Variants in SERINC5 observed in about 807,000 individuals in gnomAD.
SERINC5 encodes the protein serine incorporator 5.
Under a neutral mutation model 63.1 loss-of-function variants are expected in SERINC5, and 41 were observed. The observed-to-expected ratio is 0.65, with a 90% CI of 0.51 to 0.84. SERINC5 has a LOEUF of 0.84. Ranked by LOEUF, SERINC5 falls within the 40% of genes least tolerant of loss-of-function variation. SERINC5 has a pLI of 0.00. For missense variants in SERINC5, 523 were observed against 573.0 expected (o/e 0.91, Z 0.89); for synonymous variants, 222 against 215.2 (o/e 1.03, Z -0.28).
At chr5:80,116,897 C>T (rs938767585) in intron 11 of SERINC5, among the ~76,000 whole-genome samples, 15 of 151,606 alleles carry the variant, frequency 9.9e-5, no homozygotes, top group East Asian at 1.9e-4. Flanking sequence ...GACACAATCT[C>T]GGCTCACTGC....
At chr5:80,160,444 C>A (rs971720334) in intron 7 of SERINC5, among the ~76,000 whole-genome samples, 1 of 152,196 alleles carries the variant, frequency 6.6e-6, no homozygotes, top group Non-Finnish European at 1.5e-5. Context: ...AAGTAACACT[C>A]TAGAAACCAC....
chr5:80,172,751 A>T (rs1297202284), intron 5 of SERINC5, among the ~76,000 whole-genome samples: 9 of 152,272 alleles, frequency 5.9e-5, no homozygotes, highest in Non-Finnish European at 8.8e-5. Context: ...ATGGGGAGAC[A>T]GCATGAATTA....
chr5:80,195,967 C>G (rs1749471614), intron 2 of SERINC5, among the ~76,000 whole-genome samples: 1 of 152,140 alleles, frequency 6.6e-6, no homozygotes, highest in African/African-American at 2.4e-5. Context: ...CTGAGGGCAG[C>G]TGGGAACATC....
chr5:80,239,614 G>C (rs914916352), intron 1 of SERINC5, among the ~76,000 whole-genome samples: 5 of 151,996 alleles, frequency 3.3e-5, no homozygotes, highest in African/African-American at 1.2e-4. Flanking sequence ...ATCAGAAACA[G>C]GAATATCAAC....
intron 12 of SERINC5, among the ~76,000 whole-genome samples, chr5:80,112,469 A>C (rs1438779550): frequency 6.6e-6 from 1 of 152,062 alleles, no homozygotes; most frequent in Non-Finnish European, 1.5e-5. Context: ...GAAAATAGTA[A>C]TCAATAAATA....
At position 80,255,945 on chromosome 5, in the gene SERINC5, G is replaced by T; in HGVS notation, c.-23C>A. The T allele has an allele frequency of 6.5e-7, 1 of 1,532,374 alleles. No homozygotes were observed. The allele number at this position is 1,532,374 out of a possible 1,614,324, so 94.9% of individuals were successfully genotyped here. On this transcript the variant is annotated 5_prime_UTR_variant, in exon 1 of 12. Transcript: ENST00000507668. ...CATCGCGGCGGCCAATGCCGAAGGC[G>T]CGCTCGCTGGCTCCCCGCGCCGCAC...
intron 1 of SERINC5, among the ~76,000 whole-genome samples, chr5:80,214,145 A>G (rs1056578684): frequency 2.0e-5 from 3 of 152,234 alleles, no homozygotes; most frequent in African/African-American, 7.2e-5. Flanking sequence ...ATTTATGGCC[A>G]TGGAAAGACG....
chr5:80,173,223 AAAGAAGGAAGG>A (rs1368704782), intron 5 of SERINC5, among the ~76,000 whole-genome samples: 164 of 132,010 alleles, frequency 1.2e-3, no homozygotes, highest in African/African-American at 3.4e-3. Context: ...GGCAGGAAGG[AAAGAAGGAAGG>A]AAGGAAGGAA....
At chr5:80,208,744 C>A (rs553687815) in intron 1 of SERINC5, among the ~76,000 whole-genome samples, 21 of 152,282 alleles carry the variant, frequency 1.4e-4, no homozygotes, top group African/African-American at 4.6e-4. Flanking sequence ...AGATACATTT[C>A]CAAAAAGACA....
At chr5:80,228,350 C>T (rs1486825993) in intron 1 of SERINC5, among the ~76,000 whole-genome samples, 3 of 151,682 alleles carry the variant, frequency 2.0e-5, no homozygotes, top group Non-Finnish European at 4.4e-5. Context: ...AATGTATAGA[C>T]ACTCAGCATA....
chr5:80,186,061 G>C (rs990227042), intron 2 of SERINC5, among the ~76,000 whole-genome samples: 19 of 132,572 alleles, frequency 1.4e-4, no homozygotes, highest in Non-Finnish European at 2.5e-4. Flanking sequence ...AGAATTAGTA[G>C]ATGCTCTATT....
At chr5:80,156,620 T>C (rs568742668) in intron 8 of SERINC5, among the ~76,000 whole-genome samples, 38 of 152,338 alleles carry the variant, frequency 2.5e-4, no homozygotes, top group African/African-American at 8.9e-4. Flanking sequence ...CACTGCAGTT[T>C]TGTGGTTTAC....
At chr5:80,145,002 A>C (rs1209898671) in intron 11 of SERINC5, among the ~76,000 whole-genome samples, 1 of 152,064 alleles carries the variant, frequency 6.6e-6, no homozygotes, top group East Asian at 1.9e-4. Context: ...CAAGTTAAAA[A>C]AAAAAAAGCC....
rs1168481933 is a variant in SERINC5 at position 80,142,104 on chromosome 5, A to G, written c.*1559T>C. 1 of 985,304 alleles carries G rather than the reference A, an allele frequency of 1.0e-6. No homozygotes were observed. The highest frequency in any genetic ancestry group is 1.2e-6 in the Non-Finnish European group (1 of 829,930). 61.0% of individuals were successfully genotyped at this position (985,304 alleles called of 1,614,324 possible). A position where few individuals can be genotyped will look rare whatever the true frequency, so the allele number is the denominator to read the frequency against. On this transcript the variant is annotated 3_prime_UTR_variant, in exon 12 of 12. Transcript: ENST00000507668. ...ACTAGGCTGAGCCTTTTATTCTTAG[A>G]TCCTCACTTACAGAGAGCTCGAGAA...
downstream of SERINC5, among the ~76,000 whole-genome samples, chr5:80,135,570 G>GCAGTGC: frequency 6.6e-6 from 1 of 152,232 alleles, no homozygotes; most frequent in South Asian, 2.1e-4. Flanking sequence ...TATGAAATCT[G>GCAGTGC]AATAAGGTTT....
intron 2 of SERINC5, among the ~76,000 whole-genome samples, chr5:80,192,641 C>T (rs1193512206): frequency 6.6e-6 from 1 of 152,170 alleles, no homozygotes; most frequent in Admixed American, 6.5e-5. Flanking sequence ...AAATAAACCC[C>T]ACACTGATGA....
At chr5:80,237,343 CTCT>C (rs1448353981) in intron 1 of SERINC5, among the ~76,000 whole-genome samples, 2 of 116,654 alleles carry the variant, frequency 1.7e-5, no homozygotes, top group African/African-American at 3.1e-5. Flanking sequence ...GGCTTTCTCT[CTCT>C]TTTTTTTTCA....
chr5:80,196,684 G>A (rs1225062046), intron 2 of SERINC5, among the ~76,000 whole-genome samples: 1 of 152,168 alleles, frequency 6.6e-6, no homozygotes. Context: ...TATATTTACA[G>A]TCGCAACACT....
At chr5:80,136,696 A>T (rs1425505596), downstream of SERINC5, among the ~76,000 whole-genome samples, 1 of 152,222 alleles carries the variant, frequency 6.6e-6, no homozygotes, top group African/African-American at 2.4e-5. Flanking sequence ...CTCGCAAACA[A>T]CATCTGATAA....
Sources: gnomAD v4.1 joint callset for allele counts (sites outside exome capture counted in the v4.1 genomes callset) on GRCh38, gnomAD v4.1.1 for gene constraint, MANE v1.5 for transcripts, NCBI Gene and HGNC (gene_info 2026-07-23, HGNC 2026-07-21) for gene names.